The following HAUS8 variants were observed in gnomAD, a reference collection of about 807,000 sequenced individuals.
HAUS8 encodes the protein HAUS augmin-like complex subunit 8.
Under a neutral mutation model 42.9 loss-of-function variants are expected in HAUS8, and 38 were observed. That is an observed-to-expected ratio of 0.89 (90% CI 0.68 to 1.16). The LOEUF is 1.16. Ranked by LOEUF, HAUS8 falls within the 50% of genes most tolerant of loss-of-function variation. HAUS8 has a pLI of 0.00. For synonymous variants in HAUS8, 199 were observed against 205.8 expected, an observed-to-expected ratio of 0.97 and a Z score of 0.28; for missense variants, 494 against 511.6, an observed-to-expected ratio of 0.97 and a Z score of 0.33.
At position 17,056,006 on chromosome 19, in the gene HAUS8, T is replaced by C. The variant is rs773882329; in HGVS notation, c.646-4A>G. 42 of 1,613,878 alleles carry C rather than the reference T, an allele frequency of 2.6e-5. No individual in the cohort carries two copies. The highest frequency in any genetic ancestry group is 3.3e-4 in the Middle Eastern group (2 of 6,080). ...CGAAGGGGCTGAGCATCTCGATCTG[T>C]AAGCAGAAGGGATAATCAGGGGAGA... On this transcript the variant is annotated splice_polypyrimidine_tract_variant and splice_region_variant and intron_variant, in intron 8 of 10. Transcript: ENST00000253669.
At chr19:17,055,692 T>C (rs2057321273) in intron 9 of HAUS8, 169 bp downstream of exon 9, 1 of 660,554 alleles carries the variant, frequency 1.5e-6, no homozygotes, top group Non-Finnish European at 2.6e-6. Flanking sequence ...TGTGGTTACT[T>C]ACTCAGGGCG....
rs539138513 is a variant in HAUS8 at position 17,073,222 on chromosome 19, C to G, written c.91+52G>C. ...CTGTTTTTTTCTTCCTCCAAAAGCA[C>G]GTAATGAAAGAAGAAAACCATGTTC... is the stretch of plus-strand genomic sequence containing the variant. On this transcript the variant is annotated intron_variant, in intron 2 of 10. Transcript: ENST00000253669. 132 of 1,507,200 alleles carry G rather than the reference C, an allele frequency of 8.8e-5. 2 individuals are homozygous for G. In the South Asian group the frequency reaches 1.2e-3, roughly 14 times the overall value. The allele number at this position is 1,507,200 out of a possible 1,614,324, so 93.4% of individuals were successfully genotyped here. A position where few individuals can be genotyped will look rare whatever the true frequency, so the allele number is the denominator to read the frequency against.
At chr19:17,066,874 C>T (rs534934907) in intron 3 of HAUS8, among the ~76,000 whole-genome samples, 15 of 152,264 alleles carry the variant, frequency 9.9e-5, no homozygotes, top group African/African-American at 3.6e-4. Flanking sequence ...ATGAACACAA[C>T]GTGGTCCATC....
chr19:17,064,453 T>C (rs1214189302), intron 3 of HAUS8, among the ~76,000 whole-genome samples: 1 of 152,242 alleles, frequency 6.6e-6, no homozygotes, highest in Non-Finnish European at 1.5e-5. Flanking sequence ...AGGTCTCACA[T>C]TACCTGTTCT....
chr19:17,059,687 C>T (rs755119117), intron 5 of HAUS8, 36 bp from the exon 6 acceptor site: 9 of 1,424,564 alleles, frequency 6.3e-6, no homozygotes, highest in South Asian at 2.4e-5. Context: ...TGGCAAGTAG[C>T]GTATATAGAC....
intron 8 of HAUS8, 114 bp from the exon 9 acceptor site, chr19:17,056,116 C>G (rs1356282791): frequency 1.3e-5 from 13 of 997,438 alleles, no homozygotes; most frequent in African/African-American, 6.4e-5. Flanking sequence ...CACCACCCCC[C>G]AGGGAATCAG....
At chr19:17,072,051 T>G (rs2123385316) in intron 2 of HAUS8, among the ~76,000 whole-genome samples, 1 of 152,324 alleles carries the variant, frequency 6.6e-6, no homozygotes, top group Non-Finnish European at 1.5e-5. Flanking sequence ...TGAAGAAGGA[T>G]ACAATTCTTG....
chr19:17,062,847 G>C, intron 3 of HAUS8, 68 bp from the exon 4 acceptor site: 2 of 1,145,720 alleles, frequency 1.7e-6, no homozygotes, highest in African/African-American at 3.0e-5. Flanking sequence ...GCCCTGATGC[G>C]GTCTGCACTG....
At chr19:17,071,277 G>A (rs766314869) in intron 2 of HAUS8, among the ~76,000 whole-genome samples, 5 of 152,192 alleles carry the variant, frequency 3.3e-5, no homozygotes, top group African/African-American at 9.7e-5. Context: ...TGAGAGGAAA[G>A]GAGGTACCCT....
intron 7 of HAUS8, 25 bp downstream of exon 7, chr19:17,058,786 T>G (rs374206022): frequency 1.2e-6 from 2 of 1,611,274 alleles, no homozygotes; most frequent in Admixed American, 3.4e-5. Flanking sequence ...ATCCATGGCA[T>G]ACGTGAACAA....
chr19:17,059,858 A>G, intron 5 of HAUS8, 139 bp downstream of exon 5: 1 of 705,010 alleles, frequency 1.4e-6, no homozygotes, highest in Non-Finnish European at 2.5e-6. Flanking sequence ...TATTAAGTAT[A>G]TTTTTGATGT....
At chr19:17,059,872 A>G (rs377045021) in intron 5 of HAUS8, 125 bp downstream of exon 5, 1 of 745,834 alleles carries the variant, frequency 1.3e-6, no homozygotes, top group African/African-American at 1.7e-5. Flanking sequence ...TTGATGTACA[A>G]TATTTTCAAC....
At chr19:17,066,387 C>T (rs1339869486) in intron 3 of HAUS8, among the ~76,000 whole-genome samples, 1 of 152,214 alleles carries the variant, frequency 6.6e-6, no homozygotes, top group Non-Finnish European at 1.5e-5. Context: ...CCACACTTGG[C>T]TCCATCTGTA....
chr19:17,075,319 C>A, intron 1 of HAUS8, 75 bp downstream of exon 1: 1 of 1,547,968 alleles, frequency 6.5e-7, no homozygotes, highest in East Asian at 2.2e-5. Context: ...AGGGTCCTAA[C>A]TCCCCACCTC....
chr19:17,073,278 A>T lies in HAUS8; in HGVS notation c.87T>A (p.Val29=). Residue 29 remains valine (V), a synonymous_variant, in exon 2 of 11, where the codon GTT becomes GTA. Transcript: ENST00000253669. ...AGAGATCCTGACACTGCTTACCTTG[A>T]ACTCTTTTATCCTTCTTCTTGGCAC... is the stretch of plus-strand genomic sequence containing the variant. ...SSSAKKKDKR[V]QGGRVIESRY... The T allele has an allele frequency of 1.2e-6, 2 of 1,613,484 alleles. No homozygotes were observed. Among genetic ancestry groups the T allele is most frequent in the Non-Finnish European group, 1.7e-6 (2 of 1,179,422 alleles).
chr19:17,068,437 A>G (rs544528831), intron 3 of HAUS8, among the ~76,000 whole-genome samples: 1 of 152,232 alleles, frequency 6.6e-6, no homozygotes, highest in African/African-American at 2.4e-5. Context: ...TGGATAAGAC[A>G]GCTTCAGAAT....
chr19:17,060,330 A>G (rs1370169401), intron 4 of HAUS8: 14 of 456,006 alleles, frequency 3.1e-5, no homozygotes, highest in Non-Finnish European at 4.7e-5. Context: ...AACCAAAGAG[A>G]CGCAAATAGG....
chr19:17,070,561 C>A (rs2057415481), intron 2 of HAUS8, among the ~76,000 whole-genome samples: 1 of 152,226 alleles, frequency 6.6e-6, no homozygotes, highest in African/African-American at 2.4e-5. Flanking sequence ...CTCCCTCTCT[C>A]AAGGCTCTGC....
intron 9 of HAUS8, 134 bp downstream of exon 9, chr19:17,055,727 G>A (rs939638119): frequency 1.0e-6 from 1 of 953,640 alleles, no homozygotes; most frequent in African/African-American, 1.6e-5. Flanking sequence ...ACCACAGCCT[G>A]GCCAGCCCTC....
Sources: allele counts gnomAD v4.1 joint callset (sites outside exome capture counted in the v4.1 genomes callset), GRCh38; gene constraint gnomAD v4.1.1; transcripts MANE v1.5; gene names NCBI Gene and HGNC (gene_info 2026-07-23, HGNC 2026-07-21).